Variants in RIT2 observed in about 807,000 individuals in gnomAD.
RIT2 encodes the protein Ras like without CAAX 2.
Under a neutral mutation model 23.7 loss-of-function variants are expected in RIT2, and 24 were observed. That is an observed-to-expected ratio of 1.01 (90% CI 0.73 to 1.43). The LOEUF (loss-of-function observed/expected upper bound fraction) is 1.43. RIT2 is among the 40% of genes most tolerant of loss of function. The pLI, the probability that RIT2 is intolerant of heterozygous loss-of-function variation, is 0.00. For synonymous variants in RIT2, 107 were observed against 91.1 expected (o/e 1.17, Z -0.99); for missense variants, 236 against 266.9 (o/e 0.88, Z 0.81).
chr18:42,766,620 G>C (rs1184401624), intron 4 of RIT2, among the ~76,000 whole-genome samples: 1 of 152,208 alleles, frequency 6.6e-6, no homozygotes, highest in South Asian at 2.1e-4. Context: ...ATTCAAGCCG[G>C]CTGTAGAAAT....
intron 4 of RIT2, among the ~76,000 whole-genome samples, chr18:42,881,635 G>A (rs1440319705): frequency 6.6e-6 from 1 of 152,104 alleles, no homozygotes; most frequent in Non-Finnish European, 1.5e-5. Flanking sequence ...TGCATACTCT[G>A]TTATCTTTAT....
rs970412657 is a variant in RIT2 at position 42,834,548 on chromosome 18, A to AACACAC, written c.426+89018_426+89023dup. On this transcript the variant is annotated intron_variant, in intron 4 of 4. Coordinates refer to ENST00000326695, the MANE Select transcript of RIT2 (RefSeq NM_002930.4). Reference sequence around the variant, plus strand: ...TATCATACTCTCTGTCTCTCTCTAAAACACACACACACATACACACATACA... The same window carrying AACACAC: ...TATCATACTCTCTGTCTCTCTCTAAAACACACACACACACACACATACACACATACA... Among the ~76,000 whole-genome samples, 18 of 151,864 alleles carry AACACAC rather than the reference A, an allele frequency of 1.2e-4. No homozygotes were observed. In the East Asian group the frequency reaches 3.5e-3, roughly 29 times the overall value.
intron 4 of RIT2, among the ~76,000 whole-genome samples, chr18:42,890,373 T>C (rs531694019): frequency 2.4e-4 from 37 of 152,204 alleles, no homozygotes; most frequent in African/African-American, 8.4e-4. Flanking sequence ...GTAGTTTTTA[T>C]CTTGTAGATA....
intron 1 of RIT2, among the ~76,000 whole-genome samples, chr18:43,038,753 T>C (rs990076299): frequency 1.3e-5 from 2 of 152,340 alleles, no homozygotes; most frequent in Admixed American, 1.3e-4. Flanking sequence ...ATTTATTAGC[T>C]TAAAACAGTT....
rs114192352 is a variant in RIT2 at position 42,944,368 on chromosome 18, T to C, written c.235-20605A>G. Among the ~76,000 whole-genome samples the C allele has an allele frequency of 1.7e-3, 262 of 152,180 alleles. 1 individual carries two copies. The highest frequency in any genetic ancestry group is 5.5e-3 in the African/African-American group (228 of 41,546). On this transcript the variant is annotated intron_variant, in intron 3 of 4. Coordinates refer to ENST00000326695, the MANE Select transcript of RIT2 (RefSeq NM_002930.4). ...CTTTATTTATGTTGTTTATTGTTTGTCTCCCCCACTACAATGTAAGCTTCA... is the reference window on the plus strand; with the variant it reads ...CTTTATTTATGTTGTTTATTGTTTGCCTCCCCCACTACAATGTAAGCTTCA...
chr18:42,993,521 G>A (rs923158672), intron 2 of RIT2, among the ~76,000 whole-genome samples: 2 of 152,066 alleles, frequency 1.3e-5, no homozygotes, highest in African/African-American at 4.8e-5. Context: ...TAACTGTTGT[G>A]GGTATTGACG....
chr18:42,924,169 T>C (rs184590812), intron 3 of RIT2, among the ~76,000 whole-genome samples: 3 of 152,252 alleles, frequency 2.0e-5, no homozygotes, highest in Admixed American at 2.0e-4. Context: ...CTAAGGAAGT[T>C]GGCTTCACTT....
intron 3 of RIT2, among the ~76,000 whole-genome samples, chr18:42,952,953 T>A (rs1048200940): frequency 6.6e-6 from 1 of 151,600 alleles, no homozygotes; most frequent in South Asian, 2.1e-4. Flanking sequence ...GGTGTTTTTT[T>A]TTTTCACACT....
intron 4 of RIT2, among the ~76,000 whole-genome samples, chr18:42,918,610 G>A (rs1013479746): frequency 2.6e-5 from 4 of 151,988 alleles, no homozygotes; most frequent in Non-Finnish European, 5.9e-5. Flanking sequence ...AGTGGTATTT[G>A]CAATTAATTA....
intron 1 of RIT2, among the ~76,000 whole-genome samples, chr18:43,064,329 G>A (rs955839393): frequency 1.3e-5 from 2 of 152,262 alleles, no homozygotes; most frequent in South Asian, 2.1e-4. Context: ...GTAATGCATA[G>A]CCTTTTCAGA....
intron 4 of RIT2, among the ~76,000 whole-genome samples, chr18:42,883,765 G>C (rs2144083074): frequency 6.6e-6 from 1 of 152,208 alleles, no homozygotes; most frequent in East Asian, 1.9e-4. Context: ...CTGTTCAGAT[G>C]ACTGATTTTT....
intron 4 of RIT2, among the ~76,000 whole-genome samples, chr18:42,759,750 C>CTG (rs1913255231): frequency 1.2e-5 from 1 of 81,274 alleles, no homozygotes; most frequent in Non-Finnish European, 2.8e-5. Flanking sequence ...CACACACACA[C>CTG]ACACATACGG....
chr18:43,113,094 A>G (rs1413579016), intron 1 of RIT2, among the ~76,000 whole-genome samples: 1 of 152,192 alleles, frequency 6.6e-6, no homozygotes, highest in Non-Finnish European at 1.5e-5. Context: ...AAAATAAACC[A>G]TGTATATTTT....
chr18:42,933,083 G>C (rs998000186), intron 3 of RIT2, among the ~76,000 whole-genome samples: 4 of 152,016 alleles, frequency 2.6e-5, no homozygotes, highest in Non-Finnish European at 4.4e-5. Flanking sequence ...TTGCTTGGTA[G>C]ATTTTTAACA....
At chr18:42,755,238 C>G (rs1207378828) in intron 4 of RIT2, among the ~76,000 whole-genome samples, 1 of 152,112 alleles carries the variant, frequency 6.6e-6, no homozygotes, top group Non-Finnish European at 1.5e-5. Flanking sequence ...TTACCATGAC[C>G]TACAAATTCT....
At chr18:42,861,015 A>G (rs917582426) in intron 4 of RIT2, among the ~76,000 whole-genome samples, 5 of 152,216 alleles carry the variant, frequency 3.3e-5, no homozygotes, top group Non-Finnish European at 7.3e-5. Context: ...TTGTACACAA[A>G]TGTATGGACA....
intron 2 of RIT2, among the ~76,000 whole-genome samples, chr18:43,025,788 A>G (rs1911702816): frequency 6.6e-6 from 1 of 152,092 alleles, no homozygotes; most frequent in African/African-American, 2.4e-5. Context: ...TTGTGTACAC[A>G]TGAACATAAA....
chr18:42,887,248 T>C (rs926907308), intron 4 of RIT2, among the ~76,000 whole-genome samples: 1 of 152,144 alleles, frequency 6.6e-6, no homozygotes, highest in Non-Finnish European at 1.5e-5. Flanking sequence ...AATTAATAAA[T>C]ATCCCTTAGT....
intron 4 of RIT2, among the ~76,000 whole-genome samples, chr18:42,890,440 T>G (rs1267994241): frequency 6.6e-6 from 1 of 151,684 alleles, no homozygotes; most frequent in Admixed American, 6.6e-5. Flanking sequence ...GAAACTTAAT[T>G]TTTGAAATTC....
Sources: gnomAD v4.1 joint callset for allele counts (sites outside exome capture counted in the v4.1 genomes callset) on GRCh38, gnomAD v4.1.1 for gene constraint, MANE v1.5 for transcripts, NCBI Gene and HGNC (gene_info 2026-07-23, HGNC 2026-07-21) for gene names.